RGS3: variants seen among roughly 807,000 people sequenced by gnomAD.
RGS3 encodes regulator of G protein signaling 3, also known as regulator of G-protein signalling 3.
A neutral mutation model predicts 132.6 loss-of-function variants in RGS3; 80 were observed. The ratio of observed to expected loss-of-function variants is 0.60; its 90% CI spans 0.50 to 0.73. RGS3 has a LOEUF of 0.73. Ranked by LOEUF, RGS3 falls within the 30% of genes least tolerant of loss-of-function variation. The probability of loss-of-function intolerance (pLI) is 0.00; values close to 1 mark genes in which losing one functional copy is unlikely to be tolerated. For synonymous variants in RGS3, 598 were observed against 620.6 expected (o/e 0.96, Z 0.54); for missense variants, 1,382 against 1,530.8 (o/e 0.90, Z 1.62).
rs1829232880 is a variant in RGS3 at position 113,451,140 on chromosome 9, T to C, written c.-13+6213T>C. Among the ~76,000 whole-genome samples the C allele has an allele frequency of 7.5e-5, 11 of 147,156 alleles. No individual in the cohort carries two copies. In the Admixed American group the frequency reaches 7.6e-4, roughly 10 times the overall value. Reference sequence around the variant, plus strand: ...TTGCAGTGAGCCGAGATCACACCACTGCACCTCCAGCCTGGGCAACAGTGC... The same window carrying C: ...TTGCAGTGAGCCGAGATCACACCACCGCACCTCCAGCCTGGGCAACAGTGC... On this transcript the variant is annotated intron_variant, in intron 1 of 25. Transcript: ENST00000374140.
chr9:113,462,228 G>T (rs1829492070), intron 3 of RGS3: 2 of 1,484,168 alleles, frequency 1.3e-6, no homozygotes, highest in Non-Finnish European at 1.8e-6. Context: ...CTGGCTTGAG[G>T]CTAGGAGAGT....
At chr9:113,582,914 T>C (rs763999912) in intron 19 of RGS3, 19 of 162,050 alleles carry the variant, frequency 1.2e-4, no homozygotes, top group Non-Finnish European at 2.2e-4. Context: ...ACTTAAGCGT[T>C]CAGAGCACAT....
chr9:113,501,037 T>A (rs539237690), intron 10 of RGS3, among the ~76,000 whole-genome samples: 1 of 152,296 alleles, frequency 6.6e-6, no homozygotes, highest in South Asian at 2.1e-4. Flanking sequence ...GTCTTCAGAC[T>A]CCAAATGTTT....
intron 10 of RGS3, among the ~76,000 whole-genome samples, chr9:113,499,226 C>CA (rs57507668): frequency 0.11 from 6,618 of 59,372 alleles, 388 homozygotes; most frequent in African/African-American, 0.24. Context: ...GATTCCATCT[C>CA]AAAAAAAAAA....
chr9:113,447,343 A>G lies in RGS3; in HGVS notation c.-13+2416A>G, dbSNP rs925283265. On this transcript the variant is annotated intron_variant, in intron 1 of 25. Coordinates refer to the RGS3 transcript ENST00000374140. ...TGTATGTATATGTATATATATATAT[A>G]TATATATATATATATATAGGCAAGG... Among the ~76,000 whole-genome samples, 6 of 101,816 alleles carry G rather than the reference A, an allele frequency of 5.9e-5. No individual in the cohort carries two copies. The East Asian group carries it at 1.5e-3, about 26-fold the overall frequency. The allele number at this position is 101,816 out of a possible 152,430, so 66.8% of individuals were successfully genotyped here.
intron 19 of RGS3, chr9:113,581,660 T>C (rs1243715565): frequency 2.0e-5 from 3 of 152,264 alleles, no homozygotes; most frequent in Non-Finnish European, 2.9e-5. Context: ...GGCCTAAAGG[T>C]TGGTGACTGG....
chr9:113,553,557 C>T (rs1833447364), intron 19 of RGS3, among the ~76,000 whole-genome samples: 2 of 124,932 alleles, frequency 1.6e-5, no homozygotes, highest in Non-Finnish European at 3.3e-5. Flanking sequence ...GAAATATTTT[C>T]GTGGCTGGGC....
intron 14 of RGS3, 102 bp downstream of exon 12, chr9:113,508,682 A>T: frequency 8.4e-7 from 1 of 1,189,816 alleles, no homozygotes; most frequent in Non-Finnish European, 1.2e-6. Flanking sequence ...GGCCTTTCCA[A>T]TGGAGTCAGG....
intron 19 of RGS3, among the ~76,000 whole-genome samples, chr9:113,573,032 A>G (rs914027846): frequency 1.3e-5 from 2 of 152,224 alleles, no homozygotes; most frequent in African/African-American, 4.8e-5. Context: ...GCAGATGCTT[A>G]TTGAGCACTT....
At chr9:113,466,505 A>AAATGT (rs1400577750) in intron 3 of RGS3, among the ~76,000 whole-genome samples, 7 of 152,242 alleles carry the variant, frequency 4.6e-5, no homozygotes, top group African/African-American at 1.7e-4. Flanking sequence ...TGTTCAAGTG[A>AAATGT]CATTAATTGA....
chr9:113,573,680 A>T (rs555163018), intron 19 of RGS3, among the ~76,000 whole-genome samples: 13 of 152,170 alleles, frequency 8.5e-5, no homozygotes, highest in South Asian at 2.1e-4. Context: ...GAGGGAGAGG[A>T]TTTGGGAGGG....
chr9:113,496,118 T>C (rs1426156537), intron 8 of RGS3, among the ~76,000 whole-genome samples: 2 of 152,224 alleles, frequency 1.3e-5, no homozygotes, highest in East Asian at 3.9e-4. Flanking sequence ...GTGTCTGCTG[T>C]TGAAGACATT....
intron 19 of RGS3, chr9:113,541,958 C>T (rs900197991): frequency 9.5e-6 from 7 of 734,236 alleles, no homozygotes; most frequent in East Asian, 1.3e-4. Context: ...GATATGGTCT[C>T]GCTCTCATCA....
intron 19 of RGS3, among the ~76,000 whole-genome samples, chr9:113,568,677 T>C (rs1834119150): frequency 6.6e-6 from 1 of 152,200 alleles, no homozygotes; most frequent in Non-Finnish European, 1.5e-5. Flanking sequence ...TGTTGTTGTT[T>C]GTGGAGCCAG....
intron 21 of RGS3, among the ~76,000 whole-genome samples, chr9:113,593,163 G>C (rs1835534979): frequency 6.6e-6 from 1 of 152,146 alleles, no homozygotes; most frequent in Non-Finnish European, 1.5e-5. Context: ...TGCTGGAGCT[G>C]GGATTTGAAC....
intron 7 of RGS3, among the ~76,000 whole-genome samples, chr9:113,488,122 A>T (rs1159707980): frequency 6.6e-6 from 1 of 152,118 alleles, no homozygotes; most frequent in Non-Finnish European, 1.5e-5. Context: ...GGGAGGGGAA[A>T]ACAGACTCAG....
At chr9:113,550,969 G>A (rs1833315937) in intron 19 of RGS3, among the ~76,000 whole-genome samples, 2 of 152,084 alleles carry the variant, frequency 1.3e-5, no homozygotes, top group South Asian at 4.1e-4. Flanking sequence ...GTTTTATTGA[G>A]ATTTAATTCA....
At chr9:113,553,459 A>AAAATATATATAT (rs1426114805) in intron 19 of RGS3, among the ~76,000 whole-genome samples, 1 of 58,696 alleles carries the variant, frequency 1.7e-5, no homozygotes, top group South Asian at 5.8e-4. Context: ...AAAAAAAAAA[A>AAAATATATATAT]ATATATATAT....
chr9:113,577,158 A>G (rs1834570060), intron 19 of RGS3, among the ~76,000 whole-genome samples: 1 of 151,882 alleles, frequency 6.6e-6, no homozygotes, highest in Non-Finnish European at 1.5e-5. Flanking sequence ...TAATTCTCGT[A>G]TTTTTAGTAG....
Sources: allele counts gnomAD v4.1 joint callset (sites outside exome capture counted in the v4.1 genomes callset), GRCh38; gene constraint gnomAD v4.1.1; transcripts MANE v1.5; gene names NCBI Gene and HGNC (gene_info 2026-07-23, HGNC 2026-07-21).